The following STK31 variants were observed in gnomAD, a reference collection of about 807,000 sequenced individuals.
The protein encoded by STK31 is serine/threonine-protein kinase 31.
In STK31, 89 loss-of-function variants were observed where a neutral mutation model predicts 129.7. That is an observed-to-expected ratio of 0.69 (90% CI 0.58 to 0.82). STK31 has a LOEUF of 0.82. STK31 is among the 40% of genes least tolerant of loss of function. STK31 has a pLI of 0.00. For missense variants in STK31, 1,187 were observed against 1,176.4 expected, an observed-to-expected ratio of 1.01 and a Z score of -0.13; for synonymous variants, 448 against 395.3, an observed-to-expected ratio of 1.13 and a Z score of -1.58.
chr7:23,730,002 A>T (rs1787306478), intron 6 of STK31, among the ~76,000 whole-genome samples: 1 of 152,160 alleles, frequency 6.6e-6, no homozygotes, highest in Non-Finnish European at 1.5e-5. Context: ...TGATGTAATA[A>T]TTGGCAGTGG....
At chr7:23,784,670 A>G (rs1437028584) in intron 17 of STK31, among the ~76,000 whole-genome samples, 2 of 152,128 alleles carry the variant, frequency 1.3e-5, no homozygotes, top group Non-Finnish European at 2.9e-5. Context: ...GAATACTTAA[A>G]TGTACCGACA....
At chr7:23,738,480 C>T (rs1033275425) in intron 8 of STK31, among the ~76,000 whole-genome samples, 1 of 152,140 alleles carries the variant, frequency 6.6e-6, no homozygotes, top group Non-Finnish European at 1.5e-5. Context: ...TTCTGCCTCC[C>T]GGACTCAAGC....
intron 16 of STK31, 134 bp from the exon 17 acceptor site, chr7:23,783,449 A>G (rs1791059448): frequency 1.8e-6 from 1 of 550,156 alleles, no homozygotes; most frequent in Admixed American, 3.8e-5. Flanking sequence ...CTTGAAGTAG[A>G]AGGCAAAATC....
chr7:23,789,722 A>G (rs974131121), intron 21 of STK31, among the ~76,000 whole-genome samples: 7 of 152,130 alleles, frequency 4.6e-5, no homozygotes, highest in African/African-American at 1.4e-4. Flanking sequence ...AAAGATCTCA[A>G]CCTTCAGGGG....
At chr7:23,717,685 G>T in intron 4 of STK31, 106 bp downstream of exon 4, 1 of 824,014 alleles carries the variant, frequency 1.2e-6, no homozygotes, top group South Asian at 1.8e-5. Context: ...AGAAGAGGCT[G>T]ATTTTTGGAA....
intron 4 of STK31, chr7:23,722,211 T>C (rs1021460586): frequency 2.6e-5 from 4 of 152,646 alleles, no homozygotes; most frequent in Non-Finnish European, 5.9e-5. Context: ...TTTGTGGTTT[T>C]ATCTACTTTT....
At chr7:23,797,477 A>G (rs1792048666) in intron 22 of STK31, among the ~76,000 whole-genome samples, 1 of 152,222 alleles carries the variant, frequency 6.6e-6, no homozygotes, top group African/African-American at 2.4e-5. Flanking sequence ...CTGCACAACT[A>G]CATGGAAACT....
At chr7:23,794,777 C>T (rs1038339009) in intron 22 of STK31, among the ~76,000 whole-genome samples, 3 of 152,174 alleles carry the variant, frequency 2.0e-5, no homozygotes, top group Non-Finnish European at 2.9e-5. Context: ...CATTTTGCCC[C>T]TGTCCTAGAG....
Position 23,815,181 on chromosome 7 carries a change from A to G in STK31, c.2798A>G (p.Asp933Gly), listed in dbSNP as rs763608244. Residue 933 changes from aspartate to glycine, a missense_variant, in exon 23 of 24, where the codon GAT (aspartate) becomes GGT (glycine). By Grantham distance (94) the Asp-to-Gly change is moderately conservative. Transcript: ENST00000355870. ...VQNQEFEINK[D>G]GIPKVDQFHL... ...AATCAGGAGTTTGAGATAAATAAAG[A>G]TGGAATCCCCAAAGTGGATCAGTTT... 1.9e-6 allele frequency: 3 copies of G among 1,600,044 alleles called. No individual in the cohort carries two copies. Among genetic ancestry groups the G allele is most frequent in the South Asian group, 1.1e-5 (1 of 88,462 alleles).
At chr7:23,754,682 T>A (rs150316998) in intron 10 of STK31, among the ~76,000 whole-genome samples, 27 of 152,288 alleles carry the variant, frequency 1.8e-4, no homozygotes, top group Non-Finnish European at 2.9e-4. Flanking sequence ...CTGGTGTGTA[T>A]TGTTTCCCTC....
intron 8 of STK31, among the ~76,000 whole-genome samples, chr7:23,749,204 A>G (rs1372044787): frequency 1.3e-5 from 2 of 152,232 alleles, no homozygotes; most frequent in African/African-American, 2.4e-5. Context: ...TGCGTAGCAT[A>G]TTAATCATAA....
In STK31 at chr7:23,781,408, T is replaced by A. The variant is rs770266467; in HGVS notation, c.1966-11T>A. On this transcript the variant is annotated splice_polypyrimidine_tract_variant and intron_variant, in intron 15 of 23. Transcript: ENST00000355870. ...ATGTTAATAAAAAACACTTTTTCTT[T>A]CTGATTCAAGTCAGATGATCCTGAT... The A allele has an allele frequency of 1.3e-6, 2 of 1,591,740 alleles. No individual in the cohort carries two copies. Among genetic ancestry groups the A allele is most frequent in the Non-Finnish European group, 1.7e-6 (2 of 1,169,720 alleles).
chr7:23,808,986 C>G, intron 22 of STK31, among the ~76,000 whole-genome samples: 1 of 55,338 alleles, frequency 1.8e-5, no homozygotes, highest in Non-Finnish European at 4.1e-5. Context: ...TGTCTGTTGG[C>G]ATTTCTGGGT....
chr7:23,820,450 A>T (rs1430682582), intron 23 of STK31, among the ~76,000 whole-genome samples: 1 of 152,210 alleles, frequency 6.6e-6, no homozygotes, highest in Non-Finnish European at 1.5e-5. Flanking sequence ...GATATTTTGT[A>T]ACTTGTATGG....
chr7:23,769,739 C>T lies in STK31; in HGVS notation c.1696C>T (p.Leu566=). 6.2e-7 allele frequency: 1 copy of T among 1,606,056 alleles called. No individual in the cohort carries two copies. Among genetic ancestry groups the T allele is most frequent in the Non-Finnish European group, 8.5e-7 (1 of 1,174,426 alleles). The change falls in exon 13 of 24, where the codon CTG becomes TTG. Residue 566 remains leucine, a synonymous_variant. Transcript: ENST00000355870. ...GACTGAGTCAAGTGTCTGCAAAGAG[C>T]TGGAGATAGCTCTGGTTGTGAGTAT... ...EKTESSVCKE[L]EIALVDQGDA... is the part of the protein sequence containing the mutation.
intron 9 of STK31, among the ~76,000 whole-genome samples, chr7:23,753,391 T>C (rs553095344): frequency 6.6e-6 from 1 of 152,124 alleles, no homozygotes; most frequent in South Asian, 2.1e-4. Flanking sequence ...TGCCCTGCAA[T>C]GCAAGGGTGT....
In STK31 at chr7:23,712,084, A is replaced by G. The variant is rs767858283; in HGVS notation, c.51-15A>G. On this transcript the variant is annotated splice_polypyrimidine_tract_variant and intron_variant, in intron 1 of 23. Transcript: ENST00000355870. ...ATGGTGGATTATTGTAATCTAATTT[A>G]AGGTATTGTTCTAGTTTTTCAGGAA... is the stretch of plus-strand genomic sequence containing the variant. 2.8e-5 allele frequency: 44 copies of G among 1,580,930 alleles called. No individual in the cohort carries two copies. Among genetic ancestry groups the G allele is most frequent in the Non-Finnish European group, 3.7e-5 (43 of 1,151,390 alleles).
chr7:23,729,950 A>G (rs1787304318), intron 6 of STK31, among the ~76,000 whole-genome samples: 1 of 152,218 alleles, frequency 6.6e-6, no homozygotes, highest in Non-Finnish European at 1.5e-5. Flanking sequence ...ATGGGGTTAT[A>G]ATTAATCAGA....
At chr7:23,721,975 C>CT (rs746736924) in intron 4 of STK31, 19 of 197,944 alleles carry the variant, frequency 9.6e-5, no homozygotes, top group Non-Finnish European at 1.6e-4. Flanking sequence ...AGCCATTCGT[C>CT]TAATTTTTTT....
Sources: gnomAD v4.1 joint callset for allele counts (sites outside exome capture counted in the v4.1 genomes callset) on GRCh38, gnomAD v4.1.1 for gene constraint, MANE v1.5 for transcripts, NCBI Gene and HGNC (gene_info 2026-07-23, HGNC 2026-07-21) for gene names.